GSTA4: variants seen among roughly 807,000 people sequenced by gnomAD.
The protein encoded by GSTA4 is glutathione S-transferase A4.
GSTA4 carries 15 observed loss-of-function variants against 24.4 expected under a neutral mutation model. That is an observed-to-expected ratio of 0.61 (90% CI 0.41 to 0.95). GSTA4 has a LOEUF of 0.95. GSTA4 is among the 40% of genes least tolerant of loss of function. The probability of loss-of-function intolerance (pLI) is 0.00; values close to 1 mark genes in which losing one functional copy is unlikely to be tolerated. For synonymous variants in GSTA4, 92 were observed against 94.2 expected, an observed-to-expected ratio of 0.98 and a Z score of 0.13; for missense variants, 244 against 262.1, an observed-to-expected ratio of 0.93 and a Z score of 0.48.
rs192459076 is a variant in GSTA4, at chr6:52,992,339, A to G, written c.87+1818T>C. 4.5e-3 allele frequency among the ~76,000 whole-genome samples: 679 copies of G among 152,350 alleles called. 1 individual carries two copies. The highest frequency in any genetic ancestry group is 0.014 in the Middle Eastern group (4 of 294). ...AATAACTGAAGAAATGAGTGGAGAT[A>G]AATCTTCCTTATATAAAAATTCCAA... On this transcript the variant is annotated intron_variant, in intron 2 of 6. Transcript: ENST00000370963.
intron 6 of GSTA4, 28 bp from the exon 7 acceptor site, chr6:52,978,620 G>C (rs1286873741): frequency 6.4e-7 from 1 of 1,572,018 alleles, no homozygotes; most frequent in African/African-American, 1.4e-5. Context: ...AAACTTTAAG[G>C]CTAACAAAAA....
At chr6:52,994,845 G>A (rs1180947500) in intron 1 of GSTA4, among the ~76,000 whole-genome samples, 3 of 152,078 alleles carry the variant, frequency 2.0e-5, no homozygotes, top group Non-Finnish European at 4.4e-5. Context: ...ATGAGCCCCC[G>A]GCCTTGTAAA....
chr6:52,985,649 C>T (rs1164514033), intron 3 of GSTA4, 66 bp from the exon 4 acceptor site: 11 of 1,527,038 alleles, frequency 7.2e-6, no homozygotes, highest in Middle Eastern at 1.7e-4. Context: ...CTAAAAAATG[C>T]TCTGTGGAAT....
intron 3 of GSTA4, among the ~76,000 whole-genome samples, chr6:52,986,150 T>C (rs1763552367): frequency 1.3e-5 from 2 of 152,222 alleles, no homozygotes; most frequent in South Asian, 2.1e-4. Flanking sequence ...TTGAGGGGAA[T>C]GTAGTGAAGA....
At chr6:52,990,202 G>A (rs994959293) in intron 2 of GSTA4, among the ~76,000 whole-genome samples, 4 of 152,168 alleles carry the variant, frequency 2.6e-5, no homozygotes, top group Non-Finnish European at 2.9e-5. Flanking sequence ...CAAATTAAGT[G>A]ACTGACCAGC....
At chr6:52,982,224 A>T (rs1763464468) in intron 6 of GSTA4, among the ~76,000 whole-genome samples, 1 of 152,132 alleles carries the variant, frequency 6.6e-6, no homozygotes, top group African/African-American at 2.4e-5. Context: ...CAAAATTAAG[A>T]TGAAAATTTC....
intron 2 of GSTA4, 95 bp from the exon 3 acceptor site, chr6:52,987,503 A>C (rs1763585537): frequency 1.4e-6 from 1 of 693,498 alleles, no homozygotes; most frequent in Non-Finnish European, 2.5e-6. Flanking sequence ...ACACCAACAG[A>C]AACAGAGGTC....
chr6:52,987,081 G>T (rs980679815), intron 3 of GSTA4, among the ~76,000 whole-genome samples: 3 of 151,884 alleles, frequency 2.0e-5, no homozygotes, highest in African/African-American at 7.3e-5. Flanking sequence ...GGGGGAGGAA[G>T]AGATTGGAGG....
At chr6:52,992,003 C>A (rs1763670851) in intron 2 of GSTA4, among the ~76,000 whole-genome samples, 1 of 152,076 alleles carries the variant, frequency 6.6e-6, no homozygotes, top group Non-Finnish European at 1.5e-5. Context: ...GATTTGCCCA[C>A]CTCGGCCTCC....
At position 52,989,586 on chromosome 6, in the gene GSTA4, T is replaced by C. The variant is rs1289708303; in HGVS notation, c.88-2178A>G. 2.0e-5 allele frequency among the ~76,000 whole-genome samples: 3 copies of C among 152,234 alleles called. No homozygotes were observed. In the East Asian group the frequency reaches 5.8e-4, roughly 29 times the overall value. ...GCAGAATCAGGATCATAGGCTTGGC[T>C]TCTGCTACTTGCCAGAGTGGGTGCT... On this transcript the variant is annotated intron_variant, in intron 2 of 6. Transcript: ENST00000370963.
intron 6 of GSTA4, among the ~76,000 whole-genome samples, chr6:52,980,901 A>C (rs1285613861): frequency 2.6e-5 from 4 of 152,204 alleles, no homozygotes; most frequent in Non-Finnish European, 5.9e-5. Flanking sequence ...ACAGATGAGC[A>C]AATGCATGTA....
chr6:52,994,755 T>C (rs1200494200), intron 1 of GSTA4, among the ~76,000 whole-genome samples: 1 of 152,148 alleles, frequency 6.6e-6, no homozygotes, highest in African/African-American at 2.4e-5. Flanking sequence ...ACTACTACTG[T>C]CTGCAAAATG....
Position 52,978,514 on chromosome 6 carries a change from CA to C in GSTA4, c.624del (p.Asp209MetfsTer5), listed in dbSNP as rs755686639. 8.7e-6 allele frequency: 14 copies of C among 1,613,312 alleles called. No homozygotes were observed. The highest frequency in any genetic ancestry group is 1.1e-5 in the Non-Finnish European group (13 of 1,179,436). ...TAGACGGTTCTCACATAAATTTCAT[CA>C]GGGGGAGGCTTCTTCTTGCTGCCAG... is the stretch of plus-strand genomic sequence containing the variant. ...LEPGSKKKPP[P>X]DEIYVRTVYN... On this transcript the variant is annotated frameshift_variant, in exon 7 of 7. Coordinates refer to ENST00000370963, the MANE Select transcript of GSTA4 (RefSeq NM_001512.4). LOFTEE classifies it high-confidence loss of function.
At chr6:52,993,514 A>G (rs1763703506) in intron 2 of GSTA4, among the ~76,000 whole-genome samples, 1 of 152,242 alleles carries the variant, frequency 6.6e-6, no homozygotes, top group Admixed American at 6.5e-5. Flanking sequence ...TACATTTTAA[A>G]ATCCTCATCT....
At chr6:52,985,648 G>C (rs979678293) in intron 3 of GSTA4, 65 bp from the exon 4 acceptor site, 2 of 1,531,124 alleles carry the variant, frequency 1.3e-6, no homozygotes, top group Admixed American at 1.8e-5. Context: ...CCTAAAAAAT[G>C]CTCTGTGGAA....
Position 52,978,523 on chromosome 6 carries a change from G to A in GSTA4, c.616C>T (p.Pro206Ser), listed in dbSNP as rs559943560. The A allele has an allele frequency of 1.2e-6, 2 of 1,611,882 alleles. No homozygotes were observed. Among genetic ancestry groups the A allele is most frequent in the Admixed American group, 1.7e-5 (1 of 59,974 alleles). Residue 206 changes from proline to serine, a missense_variant, in exon 7 of 7, where the codon CCT becomes TCT. Coordinates refer to ENST00000370963, the MANE Select transcript of GSTA4 (RefSeq NM_001512.4). ...CTCACATAAATTTCATCAGGGGGAG[G>A]CTTCTTCTTGCTGCCAGGTTCAAGG... ...RFLEPGSKKK[P>S]PPDEIYVRTV...
At chr6:52,982,809 T>A in intron 5 of GSTA4, 104 bp from the exon 6 acceptor site, 1 of 845,354 alleles carries the variant, frequency 1.2e-6, no homozygotes, top group Non-Finnish European at 1.9e-6. Flanking sequence ...TATGACCTTG[T>A]CATTTCATGC....
chr6:52,991,604 C>T (rs1434918819), intron 2 of GSTA4, among the ~76,000 whole-genome samples: 4 of 152,128 alleles, frequency 2.6e-5, no homozygotes, highest in Non-Finnish European at 5.9e-5. Flanking sequence ...ATAAAGGTAT[C>T]CTCACTTTAC....
At chr6:52,987,798 C>T (rs142336209) in intron 2 of GSTA4, 8 of 156,792 alleles carry the variant, frequency 5.1e-5, no homozygotes, top group East Asian at 3.7e-4. Flanking sequence ...TGGAATGTTC[C>T]GCCATAAAGG....
Sources: allele counts gnomAD v4.1 joint callset (sites outside exome capture counted in the v4.1 genomes callset), GRCh38; gene constraint gnomAD v4.1.1; transcripts MANE v1.5; gene names NCBI Gene and HGNC (gene_info 2026-07-23, HGNC 2026-07-21).